Variants in MALRD1 observed in about 807,000 individuals in gnomAD.
MALRD1 encodes MAM and LDL-receptor class A domain-containing protein 1.
MALRD1 carries 247 observed loss-of-function variants against 242.1 expected under a neutral mutation model. The observed-to-expected ratio is 1.02, with a 90% CI of 0.92 to 1.13. The LOEUF (loss-of-function observed/expected upper bound fraction) is 1.13. MALRD1 is among the 50% of genes most tolerant of loss of function. The probability of loss-of-function intolerance (pLI) is 0.00; values close to 1 mark genes in which losing one functional copy is unlikely to be tolerated. For missense variants in MALRD1, 2,989 were observed against 2,533.1 expected (o/e 1.18, Z -3.86); for synonymous variants, 995 against 866.6 (o/e 1.15, Z -2.60).
At chr10:19,217,767 G>T (rs1192095810) in intron 18 of MALRD1, among the ~76,000 whole-genome samples, 1 of 151,862 alleles carries the variant, frequency 6.6e-6, no homozygotes, top group Non-Finnish European at 1.5e-5. Flanking sequence ...CTTGTGATCT[G>T]CCCACGTTGG....
chr10:19,442,492 CATCAATACCTAATTTATT>C (rs947072303), intron 28 of MALRD1, among the ~76,000 whole-genome samples: 1 of 152,102 alleles, frequency 6.6e-6, no homozygotes, highest in African/African-American at 2.4e-5. Context: ...AGATACATCC[CATCAATACCTAATTTATT>C]GAGAGTTTTT....
At chr10:19,121,238 A>AC (rs889516741) in intron 5 of MALRD1, among the ~76,000 whole-genome samples, 16 of 145,766 alleles carry the variant, frequency 1.1e-4, no homozygotes, top group African/African-American at 3.8e-4. Context: ...ATGGGGTTTC[A>AC]CCATGTTGGC....
intron 26 of MALRD1, among the ~76,000 whole-genome samples, chr10:19,371,257 C>A (rs1417537704): frequency 6.6e-6 from 1 of 151,920 alleles, no homozygotes; most frequent in East Asian, 1.9e-4. Flanking sequence ...TCTTAAAAAA[C>A]AAAAGAAAAG....
intron 18 of MALRD1, among the ~76,000 whole-genome samples, chr10:19,230,207 G>A (rs750852946): frequency 2.0e-5 from 3 of 151,954 alleles, no homozygotes; most frequent in African/African-American, 4.8e-5. Context: ...CCCAGTCTTG[G>A]GTATGTCTTC....
At chr10:19,585,813 C>A (rs553673250) in intron 33 of MALRD1, among the ~76,000 whole-genome samples, 1 of 152,170 alleles carries the variant, frequency 6.6e-6, no homozygotes, top group Non-Finnish European at 1.5e-5. Context: ...TAATATCCTG[C>A]AGAGTGTTTT....
In MALRD1 at chr10:19,347,803, G is replaced by T; in HGVS notation, c.3934G>T (p.Asp1312Tyr). 6.4e-7 allele frequency: 1 copy of T among 1,550,480 alleles called. No homozygotes were observed. Among genetic ancestry groups the T allele is most frequent in the Non-Finnish European group, 8.7e-7 (1 of 1,146,866 alleles). Residue 1312 changes from aspartate to tyrosine, a missense_variant, in exon 25 of 40, where the codon GAT (aspartate) becomes TAT (tyrosine). Transcript: ENST00000454679. ...CAGTGGGCGCTGTGATTTCGAATTT[G>T]ATCTTTGTTCCTGGAAGCAGGAGAA... ...TSSGRCDFEF[D>Y]LCSWKQEKDE... is the part of the protein sequence containing the mutation.
chr10:19,683,513 C>T (rs1842458530), intron 36 of MALRD1, among the ~76,000 whole-genome samples: 1 of 152,198 alleles, frequency 6.6e-6, no homozygotes, highest in Non-Finnish European at 1.5e-5. Flanking sequence ...CCCAAAGCCA[C>T]ATAGCTAGAA....
At chr10:19,189,574 G>C (rs7909685) in intron 14 of MALRD1, among the ~76,000 whole-genome samples, 53,977 of 151,844 alleles carry the variant, frequency 0.36, 9,865 homozygotes, top group Admixed American at 0.43. Flanking sequence ...TATTAGCAAA[G>C]TTATTTCAGA....
At chr10:19,610,390 C>G (rs1838840303) in intron 35 of MALRD1, among the ~76,000 whole-genome samples, 1 of 151,888 alleles carries the variant, frequency 6.6e-6, no homozygotes, top group Non-Finnish European at 1.5e-5. Context: ...TCTCTCCAGT[C>G]ACTGGTAAGC....
At chr10:19,118,031 A>C (rs1039116992) in intron 5 of MALRD1, among the ~76,000 whole-genome samples, 2 of 152,234 alleles carry the variant, frequency 1.3e-5, no homozygotes, top group African/African-American at 4.8e-5. Context: ...TAAAAAATAT[A>C]GTTTATGTCA....
At chr10:19,515,596 G>T (rs1233571301) in intron 31 of MALRD1, among the ~76,000 whole-genome samples, 2 of 151,468 alleles carry the variant, frequency 1.3e-5, no homozygotes, top group Admixed American at 1.3e-4. Context: ...GTCTCGCTCT[G>T]TTGCCCAGGC....
intron 29 of MALRD1, among the ~76,000 whole-genome samples, chr10:19,467,760 C>A (rs1158667684): frequency 6.7e-6 from 1 of 150,118 alleles, no homozygotes. Flanking sequence ...TCCCTGGTTG[C>A]CTAATCTACA....
intron 9 of MALRD1, among the ~76,000 whole-genome samples, chr10:19,135,192 T>C (rs922850823): frequency 6.6e-6 from 1 of 152,188 alleles, no homozygotes; most frequent in Non-Finnish European, 1.5e-5. Flanking sequence ...TCTTGCTCTG[T>C]CACCCAGGCT....
chr10:19,268,014 A>T (rs1840037500), intron 19 of MALRD1, among the ~76,000 whole-genome samples: 1 of 152,168 alleles, frequency 6.6e-6, no homozygotes. Flanking sequence ...TTTTAAAGTT[A>T]AAACTTTTAC....
In MALRD1 at chr10:19,387,127, A is replaced by C. The variant is rs1376819623; in HGVS notation, c.4442-401A>C. On this transcript the variant is annotated intron_variant, in intron 26 of 39. Transcript: ENST00000454679. ...CGGATGCTAATGGAATGTATTTCCA[A>C]ATGCCACATAATACATGATCTCTTA... is the stretch of plus-strand genomic sequence containing the variant. Among the ~76,000 whole-genome samples the C allele has an allele frequency of 2.6e-5, 4 of 152,278 alleles. No homozygotes were observed. The East Asian group carries it at 7.7e-4, about 29-fold the overall frequency.
intron 33 of MALRD1, among the ~76,000 whole-genome samples, chr10:19,585,872 G>A (rs1206429959): frequency 5.3e-5 from 8 of 152,220 alleles, no homozygotes; most frequent in South Asian, 4.2e-4. Flanking sequence ...CCAATCAGAC[G>A]TAGATTTGGT....
intron 21 of MALRD1, among the ~76,000 whole-genome samples, chr10:19,320,496 A>G (rs528297470): frequency 6.6e-6 from 1 of 152,126 alleles, no homozygotes; most frequent in African/African-American, 2.4e-5. Context: ...TTGGTTCCAA[A>G]TCTTTGCTAT....
intron 36 of MALRD1, among the ~76,000 whole-genome samples, chr10:19,631,015 C>T (rs1262436374): frequency 6.6e-6 from 1 of 152,126 alleles, no homozygotes; most frequent in Non-Finnish European, 1.5e-5. Context: ...ATTTTAGATT[C>T]AGAGGTACAT....
chr10:19,448,553 G>A (rs1330234756), intron 28 of MALRD1, among the ~76,000 whole-genome samples: 1 of 152,058 alleles, frequency 6.6e-6, no homozygotes, highest in Non-Finnish European at 1.5e-5. Context: ...CTTGTCCTGT[G>A]CTCAACTGGT....
Sources: gnomAD v4.1 joint callset for allele counts (sites outside exome capture counted in the v4.1 genomes callset) on GRCh38, gnomAD v4.1.1 for gene constraint, MANE v1.5 for transcripts, NCBI Gene and HGNC (gene_info 2026-07-23, HGNC 2026-07-21) for gene names.